The following PALS1 variants were observed in gnomAD, a reference collection of about 807,000 sequenced individuals.
PALS1 encodes the protein protein PALS1.
In PALS1, 31 loss-of-function variants were observed where a neutral mutation model predicts 78.9. The ratio of observed to expected loss-of-function variants is 0.39; its 90% confidence interval spans 0.30 to 0.53. PALS1 has a LOEUF of 0.53. PALS1 is among the 20% of genes least tolerant of loss of function. The pLI, the probability that PALS1 is intolerant of heterozygous loss-of-function variation, is 0.67. For missense variants in PALS1, 704 were observed against 826.5 expected (o/e 0.85, Z 1.82); for synonymous variants, 276 against 270.9 (o/e 1.02, Z -0.18).
chr14:67,250,540 TAAAC>T (rs769656547), intron 1 of PALS1, among the ~76,000 whole-genome samples: 2 of 152,196 alleles, frequency 1.3e-5, no homozygotes, highest in African/African-American at 2.4e-5. Context: ...AAATTCTAGT[TAAAC>T]AGATTGTTTT....
chr14:67,320,505 T>A, intron 12 of PALS1, 108 bp downstream of exon 12: 1 of 1,050,536 alleles, frequency 9.5e-7, no homozygotes, highest in Non-Finnish European at 1.3e-6. Flanking sequence ...AACACTGTTG[T>A]CAGTGAAAGA....
chr14:67,333,873 A>C lies in PALS1; in HGVS notation c.*917A>C, dbSNP rs1209842826. On this transcript the variant is annotated 3_prime_UTR_variant, in exon 15 of 15. Transcript: ENST00000261681. ...TTTTGTATACATGGGAGGATAGCAC[A>C]TTTGACAGTTTTTGCATTTTTATGT... 6.6e-6 allele frequency: 1 copy of C among 152,600 alleles called. No homozygotes were observed. Among genetic ancestry groups the C allele is most frequent in the African/African-American group, 2.4e-5 (1 of 41,446 alleles). 9.5% of individuals were successfully genotyped at this position (152,600 alleles called of 1,614,324 possible).
At chr14:67,311,864 C>T (rs1252019247) in intron 8 of PALS1, 6 of 152,322 alleles carry the variant, frequency 3.9e-5, no homozygotes, top group East Asian at 3.9e-4. Flanking sequence ...TAATTTTAGT[C>T]GTTGATAGTG....
chr14:67,318,947 A>G (rs1265505051), intron 11 of PALS1, among the ~76,000 whole-genome samples: 3 of 151,958 alleles, frequency 2.0e-5, no homozygotes, highest in Admixed American at 1.3e-4. Flanking sequence ...AGTCCCAGCT[A>G]TTCGGGAGGC....
At chr14:67,288,704 C>A (rs1370971509) in intron 3 of PALS1, among the ~76,000 whole-genome samples, 1 of 152,000 alleles carries the variant, frequency 6.6e-6, no homozygotes, top group East Asian at 1.9e-4. Flanking sequence ...TTAGGGAATT[C>A]TTTGGTAACC....
At chr14:67,307,043 A>G (rs1230294546) in intron 8 of PALS1, among the ~76,000 whole-genome samples, 2 of 151,596 alleles carry the variant, frequency 1.3e-5, no homozygotes. Flanking sequence ...GATGTCATGT[A>G]TGGCAATAAT....
At chr14:67,319,610 T>TA (rs11366985) in intron 11 of PALS1, among the ~76,000 whole-genome samples, 5,231 of 128,580 alleles carry the variant, frequency 0.041, 136 homozygotes, top group African/African-American at 0.068. Flanking sequence ...GCTGATGAGC[T>TA]AAAAAAAAAA....
intron 1 of PALS1, among the ~76,000 whole-genome samples, chr14:67,250,580 T>C (rs1050036636): frequency 1.3e-5 from 2 of 152,188 alleles, no homozygotes; most frequent in African/African-American, 4.8e-5. Context: ...ATCTGGGCCC[T>C]TCCTCTGAAA....
intron 4 of PALS1, 132 bp from the exon 5 acceptor site, chr14:67,301,254 ATTC>A: frequency 2.0e-6 from 1 of 488,016 alleles, no homozygotes; most frequent in African/African-American, 1.9e-5. Flanking sequence ...AACTCTAATA[ATTC>A]TTTTTAGTGA....
intron 1 of PALS1, among the ~76,000 whole-genome samples, chr14:67,261,479 A>G (rs1595567288): frequency 6.6e-6 from 1 of 152,156 alleles, no homozygotes; most frequent in African/African-American, 2.4e-5. Context: ...CTTCAGTTTT[A>G]CCCCAGGAGG....
Position 67,323,706 on chromosome 14 carries a change from T to G in PALS1, c.1745T>G (p.Leu582Trp). ...AATCAAAATGTCTCTTTACAGTCATTGAAGACTCTCCGGAATTCAGATTTG... is the reference window on the plus strand; with the variant it reads ...AATCAAAATGTCTCTTTACAGTCATGGAAGACTCTCCGGAATTCAGATTTG... Reference protein sequence around the residue: ...ICLLSLRTQSLKTLRNSDLKP... With the variant: ...ICLLSLRTQSWKTLRNSDLKP... Residue 582 changes from leucine (L) to tryptophan (W), a missense_variant, in exon 14 of 15, where the codon TTG (leucine) becomes TGG (tryptophan). By Grantham distance (61) the Leu-to-Trp change is moderately conservative. Transcript: ENST00000261681. The G allele has an allele frequency of 1.3e-6, 2 of 1,543,460 alleles. No individual in the cohort carries two copies. Among genetic ancestry groups the G allele is most frequent in the Non-Finnish European group, 1.8e-6 (2 of 1,133,688 alleles).
chr14:67,306,868 A>G (rs1384549744), intron 8 of PALS1, among the ~76,000 whole-genome samples: 1 of 152,242 alleles, frequency 6.6e-6, no homozygotes, highest in Non-Finnish European at 1.5e-5. Flanking sequence ...TAAAGAAATT[A>G]GAACCAATTT....
At chr14:67,242,145 G>T (rs2083915784) in intron 1 of PALS1, among the ~76,000 whole-genome samples, 1 of 152,212 alleles carries the variant, frequency 6.6e-6, no homozygotes, top group Non-Finnish European at 1.5e-5. Context: ...GTTTAATGAA[G>T]TTTGCTTTAA....
intron 3 of PALS1, among the ~76,000 whole-genome samples, chr14:67,286,018 G>T (rs1170681019): frequency 1.3e-5 from 2 of 152,110 alleles, no homozygotes; most frequent in African/African-American, 4.8e-5. Flanking sequence ...GAAGATGGGA[G>T]CTTAATTTCT....
intron 1 of PALS1, among the ~76,000 whole-genome samples, chr14:67,264,990 A>G (rs2084299110): frequency 6.6e-6 from 1 of 152,110 alleles, no homozygotes; most frequent in Non-Finnish European, 1.5e-5. Flanking sequence ...GTTATAATAC[A>G]TGTTACTCTT....
chr14:67,278,303 T>G (rs2084540069), intron 2 of PALS1, among the ~76,000 whole-genome samples: 1 of 152,008 alleles, frequency 6.6e-6, no homozygotes, highest in African/African-American at 2.4e-5. Flanking sequence ...CCCAAAGTGC[T>G]GGGATTACAG....
At chr14:67,272,144 AC>A (rs1306327821) in intron 2 of PALS1, 2 of 151,568 alleles carry the variant, frequency 1.3e-5, no homozygotes, top group African/African-American at 4.9e-5. Context: ...TATACAAATC[AC>A]TCCTCTTTTT....
At chr14:67,249,339 G>A (rs980411900) in intron 1 of PALS1, among the ~76,000 whole-genome samples, 9 of 152,106 alleles carry the variant, frequency 5.9e-5, no homozygotes, top group African/African-American at 2.2e-4. Flanking sequence ...GGAAGCTTGG[G>A]GTATTTATTT....
chr14:67,315,268 ATTTTTTTTTTT>A (rs531037352), intron 9 of PALS1, among the ~76,000 whole-genome samples: 5 of 101,592 alleles, frequency 4.9e-5, no homozygotes, highest in African/African-American at 9.0e-5. Context: ...CTTATTTTTA[ATTTTTTTTTTT>A]TTTTTTTTTT....
Sources: gnomAD v4.1 joint callset for allele counts (sites outside exome capture counted in the v4.1 genomes callset) on GRCh38, gnomAD v4.1.1 for gene constraint, MANE v1.5 for transcripts, NCBI Gene and HGNC (gene_info 2026-07-23, HGNC 2026-07-21) for gene names.